The following EFNA5 variants were observed in gnomAD, a reference collection of about 807,000 sequenced individuals.
EFNA5 encodes ephrin-A5.
Under a neutral mutation model 22.9 loss-of-function variants are expected in EFNA5, and 5 were observed. That is an observed-to-expected ratio of 0.22 (90% CI 0.11 to 0.46). The LOEUF is 0.46. EFNA5 is among the 20% of genes least tolerant of loss of function. The pLI is 0.99. For missense variants in EFNA5, 237 were observed against 293.3 expected (o/e 0.81, Z 1.40); for synonymous variants, 113 against 112.2 (o/e 1.01, Z -0.04).
At chr5:107,417,585 T>G (rs1380235456) in intron 2 of EFNA5, among the ~76,000 whole-genome samples, 2 of 152,108 alleles carry the variant, frequency 1.3e-5, no homozygotes, top group African/African-American at 2.4e-5. Flanking sequence ...GCATTAATAA[T>G]AAAGAAAGAG....
chr5:107,402,606 G>A (rs1748114387), intron 2 of EFNA5, among the ~76,000 whole-genome samples: 2 of 152,214 alleles, frequency 1.3e-5, no homozygotes, highest in African/African-American at 4.8e-5. Flanking sequence ...TGTGCTGACA[G>A]CAAGGTAAGT....
intron 1 of EFNA5, among the ~76,000 whole-genome samples, chr5:107,615,769 T>G (rs1252664622): frequency 2.0e-5 from 3 of 152,168 alleles, no homozygotes; most frequent in Non-Finnish European, 4.4e-5. Context: ...CAGTTGGAGA[T>G]ATAATCAACA....
intron 1 of EFNA5, among the ~76,000 whole-genome samples, chr5:107,594,529 T>A (rs1749436638): frequency 6.6e-6 from 1 of 152,154 alleles, no homozygotes; most frequent in Non-Finnish European, 1.5e-5. Context: ...CCCTTACACA[T>A]AAGCTCAGAG....
chr5:107,607,081 T>G (rs531936709), intron 1 of EFNA5, among the ~76,000 whole-genome samples: 3 of 152,216 alleles, frequency 2.0e-5, no homozygotes, highest in Non-Finnish European at 4.4e-5. Context: ...ATATGGTCAC[T>G]CTGCCATTAG....
intron 2 of EFNA5, among the ~76,000 whole-genome samples, chr5:107,395,189 C>G (rs1301753711): frequency 6.6e-6 from 1 of 151,886 alleles, no homozygotes; most frequent in African/African-American, 2.4e-5. Context: ...CAAGTGCATG[C>G]CAACATGCCT....
At chr5:107,606,381 G>A (rs1156620395) in intron 1 of EFNA5, among the ~76,000 whole-genome samples, 1 of 152,104 alleles carries the variant, frequency 6.6e-6, no homozygotes, top group African/African-American at 2.4e-5. Flanking sequence ...CCTACTGGGT[G>A]AATGAGTACA....
At chr5:107,450,886 C>T (rs1481965794) in intron 1 of EFNA5, among the ~76,000 whole-genome samples, 1 of 152,188 alleles carries the variant, frequency 6.6e-6, no homozygotes, top group African/African-American at 2.4e-5. Flanking sequence ...CTTAAGAGAA[C>T]AAAGGCAATG....
At chr5:107,487,841 G>A (rs1369173742) in intron 1 of EFNA5, among the ~76,000 whole-genome samples, 1 of 152,170 alleles carries the variant, frequency 6.6e-6, no homozygotes, top group Admixed American at 6.5e-5. Context: ...TATAACAGGT[G>A]CCAACAAATA....
chr5:107,610,551 T>C (rs1325951943), intron 1 of EFNA5, among the ~76,000 whole-genome samples: 2 of 152,220 alleles, frequency 1.3e-5, no homozygotes, highest in African/African-American at 4.8e-5. Flanking sequence ...TTGGGGCCAC[T>C]CTATTCCTTT....
At chr5:107,537,054 G>A (rs959655829) in intron 1 of EFNA5, among the ~76,000 whole-genome samples, 2 of 142,442 alleles carry the variant, frequency 1.4e-5, no homozygotes, top group Non-Finnish European at 2.9e-5. Context: ...GCAGTGAGCC[G>A]ACATCGTGCC....
At chr5:107,416,429 A>G (rs187606831) in intron 2 of EFNA5, among the ~76,000 whole-genome samples, 66 of 152,256 alleles carry the variant, frequency 4.3e-4, no homozygotes, top group Admixed American at 1.4e-3. Flanking sequence ...TAACTACATG[A>G]TCTCAGGCAA....
intron 1 of EFNA5, among the ~76,000 whole-genome samples, chr5:107,505,027 C>T (rs1747221354): frequency 6.6e-6 from 1 of 151,882 alleles, no homozygotes; most frequent in Admixed American, 6.6e-5. Flanking sequence ...GCAATTTGTT[C>T]TGAAAAACTA....
At chr5:107,460,088 A>G (rs1749794171) in intron 1 of EFNA5, among the ~76,000 whole-genome samples, 1 of 152,202 alleles carries the variant, frequency 6.6e-6, no homozygotes, top group South Asian at 2.1e-4. Flanking sequence ...ACTGTAGCCA[A>G]TAAGGAATTC....
intron 1 of EFNA5, among the ~76,000 whole-genome samples, chr5:107,556,083 G>T (rs1047028470): frequency 6.6e-6 from 1 of 152,232 alleles, no homozygotes; most frequent in Admixed American, 6.5e-5. Flanking sequence ...CGTCTATTTG[G>T]TCAGTAAGTC....
At chr5:107,397,790 T>G (rs2112384713) in intron 2 of EFNA5, among the ~76,000 whole-genome samples, 1 of 152,272 alleles carries the variant, frequency 6.6e-6, no homozygotes, top group East Asian at 1.9e-4. Flanking sequence ...GAGGGAGTCG[T>G]TAGATACCAG....
In EFNA5 at chr5:107,526,192, T is replaced by C. The variant is rs188775482; in HGVS notation, c.126-98683A>G. Among the ~76,000 whole-genome samples the C allele has an allele frequency of 2.6e-5, 4 of 152,348 alleles. No individual in the cohort carries two copies. In the East Asian group the frequency reaches 7.7e-4, roughly 29 times the overall value. ...TTCTACTGGCTCACCATGAGCCCTA[T>C]GTTATTCTAGAATGATTATAGATTC... On this transcript the variant is annotated intron_variant, in intron 1 of 4. Transcript: ENST00000333274.
chr5:107,650,462 T>G (rs1019984325), intron 1 of EFNA5, among the ~76,000 whole-genome samples: 2 of 152,088 alleles, frequency 1.3e-5, no homozygotes, highest in Non-Finnish European at 2.9e-5. Flanking sequence ...GAAGGGAAAC[T>G]AAGATGAAAG....
At chr5:107,415,378 A>G (rs187336532) in intron 2 of EFNA5, among the ~76,000 whole-genome samples, 1 of 152,328 alleles carries the variant, frequency 6.6e-6, no homozygotes, top group East Asian at 1.9e-4. Flanking sequence ...GAACAGAATT[A>G]ATGGTGCTTC....
chr5:107,656,740 G>A (rs1206843518), intron 1 of EFNA5, among the ~76,000 whole-genome samples: 1 of 151,980 alleles, frequency 6.6e-6, no homozygotes, highest in African/African-American at 2.4e-5. Flanking sequence ...AAGTCTGAGG[G>A]AGATATTTTT....
Sources: gnomAD v4.1 joint callset for allele counts (sites outside exome capture counted in the v4.1 genomes callset) on GRCh38, gnomAD v4.1.1 for gene constraint, MANE v1.5 for transcripts, NCBI Gene and HGNC (gene_info 2026-07-23, HGNC 2026-07-21) for gene names.